Variants in COL24A1 observed in about 807,000 individuals in gnomAD.
COL24A1 encodes collagen type XXIV alpha 1 chain, also known as collagen alpha-1(XXIV) chain.
Under a neutral mutation model 253.9 loss-of-function variants are expected in COL24A1, and 224 were observed. That is an observed-to-expected ratio of 0.88 (90% CI 0.79 to 0.99). The LOEUF (loss-of-function observed/expected upper bound fraction) is 0.99. Ranked by LOEUF, COL24A1 falls within the 50% of genes least tolerant of loss-of-function variation. The pLI, the probability that COL24A1 is intolerant of heterozygous loss-of-function variation, is 0.00. For synonymous variants in COL24A1, 685 were observed against 673.7 expected (o/e 1.02, Z -0.26); for missense variants, 2,131 against 2,068.5 (o/e 1.03, Z -0.59).
chr1:85,809,948 C>T (rs1268659112), intron 47 of COL24A1, among the ~76,000 whole-genome samples: 1 of 151,766 alleles, frequency 6.6e-6, no homozygotes, highest in East Asian at 1.9e-4. Context: ...ACTCATTAAA[C>T]AATAACTCTC....
intron 43 of COL24A1, among the ~76,000 whole-genome samples, chr1:85,831,261 T>C (rs1326174473): frequency 6.6e-6 from 1 of 152,014 alleles, no homozygotes; most frequent in Non-Finnish European, 1.5e-5. Flanking sequence ...TCAAACAGGA[T>C]TCAGGAAAGA....
intron 43 of COL24A1, among the ~76,000 whole-genome samples, chr1:85,828,615 G>T (rs1277851055): frequency 1.3e-5 from 2 of 148,514 alleles, no homozygotes; most frequent in South Asian, 2.2e-4. Context: ...TCCTGTATTG[G>T]GTGCATATAT....
chr1:85,732,746 T>C (rs1377407451), intron 59 of COL24A1, among the ~76,000 whole-genome samples: 1 of 152,232 alleles, frequency 6.6e-6, no homozygotes, highest in Non-Finnish European at 1.5e-5. Context: ...TTTACTTTCA[T>C]ACCTATAAAA....
intron 6 of COL24A1, 138 bp downstream of exon 6, chr1:86,092,129 C>G: frequency 1.6e-6 from 1 of 623,930 alleles, no homozygotes. Context: ...AATAGTTCTT[C>G]CTTCATTAAA....
At chr1:85,860,925 G>T (rs1320172818) in intron 37 of COL24A1, among the ~76,000 whole-genome samples, 1 of 152,108 alleles carries the variant, frequency 6.6e-6, no homozygotes, top group Non-Finnish European at 1.5e-5. Flanking sequence ...GCCCATTTGG[G>T]TTGTTTCTAC....
intron 14 of COL24A1, among the ~76,000 whole-genome samples, chr1:86,027,464 G>A (rs1463700790): frequency 6.6e-6 from 1 of 152,158 alleles, no homozygotes; most frequent in African/African-American, 2.4e-5. Context: ...GTGGCTAAAA[G>A]GGGTCAACAC....
chr1:86,039,137 T>C (rs1190430464), intron 12 of COL24A1, among the ~76,000 whole-genome samples: 1 of 127,846 alleles, frequency 7.8e-6, no homozygotes, highest in Non-Finnish European at 1.7e-5. Context: ...ATTTTAAATG[T>C]ATGATATGCA....
At chr1:86,078,387 T>A (rs979296145) in intron 7 of COL24A1, among the ~76,000 whole-genome samples, 16 of 152,266 alleles carry the variant, frequency 1.1e-4, no homozygotes, top group Middle Eastern at 3.4e-3. Flanking sequence ...TCCTATTAGA[T>A]CTGGAACACG....
intron 37 of COL24A1, among the ~76,000 whole-genome samples, chr1:85,865,919 G>C (rs955962013): frequency 2.0e-5 from 3 of 152,104 alleles, no homozygotes; most frequent in Non-Finnish European, 4.4e-5. Flanking sequence ...GGAAAAATAT[G>C]GGGCCAAAGC....
intron 7 of COL24A1, among the ~76,000 whole-genome samples, chr1:86,069,600 T>C (rs1701725213): frequency 6.6e-6 from 1 of 152,022 alleles, no homozygotes; most frequent in South Asian, 2.1e-4. Context: ...ACAGTTCCAG[T>C]GGTGACGGCC....
chr1:85,984,621 A>C (rs1693552111), intron 20 of COL24A1, among the ~76,000 whole-genome samples: 1 of 151,866 alleles, frequency 6.6e-6, no homozygotes, highest in African/African-American at 2.4e-5. Flanking sequence ...GAAGGGCTAA[A>C]GTTGGCAGGA....
chr1:85,879,386 A>G lies in COL24A1; in HGVS notation c.2977-2211T>C, dbSNP rs1314094168. On this transcript the variant is annotated intron_variant, in intron 32 of 59. Coordinates refer to ENST00000370571, the MANE Select transcript of COL24A1 (RefSeq NM_152890.7). ...ATTGTATTGCCTTTGCTCCTTTGTCACAGATCACTTGATTTTATTTGTGAC... is the reference window on the plus strand; with the variant it reads ...ATTGTATTGCCTTTGCTCCTTTGTCGCAGATCACTTGATTTTATTTGTGAC... Among the ~76,000 whole-genome samples, 3 of 152,042 alleles carry G rather than the reference A, an allele frequency of 2.0e-5. No individual in the cohort carries two copies. In the East Asian group the frequency reaches 5.8e-4, roughly 29 times the overall value.
intron 43 of COL24A1, among the ~76,000 whole-genome samples, chr1:85,824,549 T>G (rs532942391): frequency 6.6e-6 from 1 of 152,296 alleles, no homozygotes; most frequent in Non-Finnish European, 1.5e-5. Flanking sequence ...TTTACTGGGC[T>G]GAAGACTGGG....
At chr1:85,846,830 A>G (rs971443747) in intron 39 of COL24A1, among the ~76,000 whole-genome samples, 35 of 152,196 alleles carry the variant, frequency 2.3e-4, no homozygotes, top group African/African-American at 8.4e-4. Context: ...ATTTAAATGA[A>G]AGAAAGTAAG....
intron 3 of COL24A1, among the ~76,000 whole-genome samples, chr1:86,121,150 G>A (rs1647281435): frequency 6.6e-6 from 1 of 152,144 alleles, no homozygotes; most frequent in Non-Finnish European, 1.5e-5. Flanking sequence ...ATGGGGTGAA[G>A]GGCAGGGGGA....
intron 24 of COL24A1, among the ~76,000 whole-genome samples, chr1:85,933,079 G>A (rs1288578181): frequency 2.2e-5 from 2 of 91,088 alleles, no homozygotes; most frequent in East Asian, 3.1e-4. Flanking sequence ...CTAAAACTTA[G>A]AGTATAATAA....
intron 10 of COL24A1, among the ~76,000 whole-genome samples, chr1:86,056,779 G>A (rs773611813): frequency 1.6e-4 from 25 of 151,612 alleles, no homozygotes; most frequent in South Asian, 6.3e-4. Flanking sequence ...GCTTGGACCC[G>A]GGAGGCAGAG....
At chr1:85,741,937 C>T (rs908402368) in intron 57 of COL24A1, among the ~76,000 whole-genome samples, 5 of 152,086 alleles carry the variant, frequency 3.3e-5, no homozygotes, top group East Asian at 1.9e-4. Context: ...CTTTACTTAA[C>T]GTGGACCCAG....
chr1:85,790,456 T>C (rs1318957719), intron 47 of COL24A1, among the ~76,000 whole-genome samples: 1 of 152,088 alleles, frequency 6.6e-6, no homozygotes, highest in African/African-American at 2.4e-5. Flanking sequence ...TCTTCTTTAT[T>C]AGATAGCTAA....
Sources: gnomAD v4.1 joint callset for allele counts (sites outside exome capture counted in the v4.1 genomes callset) on GRCh38, gnomAD v4.1.1 for gene constraint, MANE v1.5 for transcripts, NCBI Gene and HGNC (gene_info 2026-07-23, HGNC 2026-07-21) for gene names.